RGL1: variants seen among roughly 807,000 people sequenced by gnomAD.
RGL1 encodes the protein ral guanine nucleotide dissociation stimulator like 1.
Under a neutral mutation model 95.2 loss-of-function variants are expected in RGL1, and 24 were observed. That is an observed-to-expected ratio of 0.25 (90% CI 0.18 to 0.35). The LOEUF (loss-of-function observed/expected upper bound fraction) is 0.35, where lower values mean the gene tolerates loss of function less well. Among genes scored for constraint, RGL1 ranks in the 10% least tolerant of loss-of-function variants. The pLI, the probability that RGL1 is intolerant of heterozygous loss-of-function variation, is 1.00. For missense variants in RGL1, 715 were observed against 936.3 expected, an observed-to-expected ratio of 0.76 and a Z score of 3.08; for synonymous variants, 329 against 344.9, an observed-to-expected ratio of 0.95 and a Z score of 0.51.
chr1:183,805,961 CTTTTCTTTTCTTTTTTTT>C (rs1661271716), intron 1 of RGL1, among the ~76,000 whole-genome samples: 2 of 43,336 alleles, frequency 4.6e-5, no homozygotes, highest in African/African-American at 9.1e-5. Context: ...TTTTCTTTTT[CTTTTCTTTTCTTTTTTTT>C]TTTTTTTTTT....
intron 1 of RGL1, among the ~76,000 whole-genome samples, chr1:183,678,708 C>CT (rs1558149194): frequency 6.6e-6 from 1 of 151,258 alleles, no homozygotes; most frequent in Non-Finnish European, 1.5e-5. Flanking sequence ...AGCAAGATTT[C>CT]TTTTTTTAAA....
intron 1 of RGL1, among the ~76,000 whole-genome samples, chr1:183,716,585 G>A (rs1183312683): frequency 6.6e-6 from 1 of 152,178 alleles, no homozygotes; most frequent in African/African-American, 2.4e-5. Flanking sequence ...ACATTCTTTT[G>A]CATGGAACTC....
At chr1:183,890,795 C>G (rs529641297) in intron 8 of RGL1, among the ~76,000 whole-genome samples, 1 of 152,102 alleles carries the variant, frequency 6.6e-6, no homozygotes, top group South Asian at 2.1e-4. Flanking sequence ...CAGTGGTTAC[C>G]TAGGGCTGGG....
At chr1:183,685,605 C>T (rs1653527898) in intron 1 of RGL1, among the ~76,000 whole-genome samples, 1 of 152,134 alleles carries the variant, frequency 6.6e-6, no homozygotes, top group Non-Finnish European at 1.5e-5. Context: ...GAAACATTTT[C>T]TCTAGCAGCA....
chr1:183,840,298 G>C (rs1022802267), intron 2 of RGL1, among the ~76,000 whole-genome samples: 7 of 152,148 alleles, frequency 4.6e-5, no homozygotes, highest in African/African-American at 7.2e-5. Flanking sequence ...ATAAGAGGGG[G>C]TTCTAGTTTC....
At chr1:183,647,793 GTT>G in intron 1 of RGL1, 2 of 1,614,114 alleles carry the variant, frequency 1.2e-6, no homozygotes, top group Non-Finnish European at 1.7e-6. Flanking sequence ...AAGGTCCTTG[GTT>G]TCCTGGAATG....
At chr1:183,754,648 C>T (rs1658221958) in intron 2 of RGL1, 1 of 152,204 alleles carries the variant, frequency 6.6e-6, no homozygotes, top group African/African-American at 2.4e-5. Flanking sequence ...ACCAGACATG[C>T]ATTGTATTAG....
chr1:183,795,971 A>G (rs1660678981), intron 2 of RGL1, among the ~76,000 whole-genome samples: 2 of 152,130 alleles, frequency 1.3e-5, no homozygotes, highest in East Asian at 3.9e-4. Context: ...CAATTCATTG[A>G]CCTAACATGT....
chr1:183,779,790 T>G (rs1659802055), intron 2 of RGL1, among the ~76,000 whole-genome samples: 1 of 152,076 alleles, frequency 6.6e-6, no homozygotes, highest in Non-Finnish European at 1.5e-5. Flanking sequence ...GTTTGTAAAT[T>G]TGTATCTTTT....
At chr1:183,723,552 C>T (rs1656140432) in intron 1 of RGL1, among the ~76,000 whole-genome samples, 1 of 152,190 alleles carries the variant, frequency 6.6e-6, no homozygotes, top group Non-Finnish European at 1.5e-5. Context: ...CTCAGTGCTG[C>T]TCTGTCACAG....
chr1:183,661,090 C>T (rs564071234), intron 1 of RGL1, among the ~76,000 whole-genome samples: 1,935 of 151,758 alleles, frequency 0.013, 47 homozygotes, highest in African/African-American at 0.045. Context: ...CACTAAATGC[C>T]CACAAGAGAA....
chr1:183,765,490 AAGAATC>A (rs1658916671), intron 2 of RGL1, among the ~76,000 whole-genome samples: 1 of 152,224 alleles, frequency 6.6e-6, no homozygotes, highest in Non-Finnish European at 1.5e-5. Context: ...ACAAAACAAA[AAGAATC>A]AGTAATGTTT....
At chr1:183,811,251 A>C (rs1457628470) in intron 2 of RGL1, among the ~76,000 whole-genome samples, 1 of 152,154 alleles carries the variant, frequency 6.6e-6, no homozygotes, top group African/African-American at 2.4e-5. Flanking sequence ...GCCTTTTAAA[A>C]CCAAGAGGTC....
Position 183,880,854 on chromosome 1 carries a change from C to T in RGL1, c.610+54C>T, listed in dbSNP as rs1048851820. 6.6e-6 allele frequency: 10 copies of T among 1,515,796 alleles called. No individual in the cohort carries two copies. The South Asian group carries it at 8.4e-5, about 13-fold the overall frequency. 93.9% of individuals were successfully genotyped at this position (1,515,796 alleles called of 1,614,324 possible). On this transcript the variant is annotated intron_variant, in intron 5 of 17. Transcript: ENST00000360851. Reference sequence around the variant, plus strand: ...GGCTAGATTCTGATTCTCCAGCCTCCACGCTGGAGAAAGGTTCTCCCTGTG... The same window carrying T: ...GGCTAGATTCTGATTCTCCAGCCTCTACGCTGGAGAAAGGTTCTCCCTGTG...
chr1:183,854,298 G>T (rs1297668093), intron 3 of RGL1, among the ~76,000 whole-genome samples: 2 of 152,186 alleles, frequency 1.3e-5, no homozygotes, highest in African/African-American at 4.8e-5. Context: ...GTGTTTCTGT[G>T]TACTGAATGG....
intron 17 of RGL1, among the ~76,000 whole-genome samples, chr1:183,924,434 T>C (rs1572612519): frequency 6.6e-6 from 1 of 151,778 alleles, no homozygotes; most frequent in Non-Finnish European, 1.5e-5. Flanking sequence ...TGAGAACACA[T>C]GGACACAGGG....
At chr1:183,902,017 C>G (rs1668055400) in intron 11 of RGL1, among the ~76,000 whole-genome samples, 1 of 152,204 alleles carries the variant, frequency 6.6e-6, no homozygotes, top group African/African-American at 2.4e-5. Context: ...TTCTATGTCT[C>G]TTCACATCCT....
chr1:183,819,648 C>G (rs1451830107), intron 2 of RGL1, among the ~76,000 whole-genome samples: 1 of 152,172 alleles, frequency 6.6e-6, no homozygotes, highest in Non-Finnish European at 1.5e-5. Flanking sequence ...CTGATGGCTT[C>G]TGAACCTTCC....
chr1:183,638,496 C>T (rs1649695926), intron 1 of RGL1, among the ~76,000 whole-genome samples: 1 of 151,966 alleles, frequency 6.6e-6, no homozygotes, highest in Non-Finnish European at 1.5e-5. Context: ...AATTACTTCT[C>T]TACCTTATTA....
Sources: gnomAD v4.1 joint callset for allele counts (sites outside exome capture counted in the v4.1 genomes callset) on GRCh38, gnomAD v4.1.1 for gene constraint, MANE v1.5 for transcripts, NCBI Gene and HGNC (gene_info 2026-07-23, HGNC 2026-07-21) for gene names.